The following SLC12A3 variants were observed in gnomAD, a reference collection of about 807,000 sequenced individuals.
SLC12A3 encodes Na-Cl cotransporter.
SLC12A3 carries 104 observed loss-of-function variants against 121.0 expected under a neutral mutation model. The observed-to-expected ratio is 0.86, with a 90% confidence interval of 0.73 to 1.01. SLC12A3 has a LOEUF of 1.01. Ranked by LOEUF, SLC12A3 falls within the 50% of genes least tolerant of loss-of-function variation. The pLI is 0.00. For synonymous variants in SLC12A3, 536 were observed against 533.4 expected (o/e 1.00, Z -0.07); for missense variants, 1,328 against 1,356.3 (o/e 0.98, Z 0.33).
intron 25 of SLC12A3, among the ~76,000 whole-genome samples, chr16:56,905,998 G>T (rs1230492148): frequency 6.6e-6 from 1 of 152,078 alleles, no homozygotes; most frequent in African/African-American, 2.4e-5. Flanking sequence ...AAAACCTAGC[G>T]CCACACACTG....
At chr16:56,903,916 T>C (rs1490147717) in intron 24 of SLC12A3, among the ~76,000 whole-genome samples, 1 of 152,238 alleles carries the variant, frequency 6.6e-6, no homozygotes. Flanking sequence ...GCAACCTCTC[T>C]TTTATAAAGT....
chr16:56,878,649 C>A (rs1188057777), intron 9 of SLC12A3, among the ~76,000 whole-genome samples: 1 of 152,106 alleles, frequency 6.6e-6, no homozygotes, highest in African/African-American at 2.4e-5. Context: ...AGGCTTTGAG[C>A]CCAGGTCTGG....
At chr16:56,878,547 T>G (rs2055195976) in intron 9 of SLC12A3, among the ~76,000 whole-genome samples, 1 of 152,088 alleles carries the variant, frequency 6.6e-6, no homozygotes, top group African/African-American at 2.4e-5. Context: ...GTCCTATCAT[T>G]GTCATTTTCC....
intron 23 of SLC12A3, among the ~76,000 whole-genome samples, chr16:56,900,486 G>A (rs1671435147): frequency 6.6e-6 from 1 of 151,322 alleles, no homozygotes; most frequent in African/African-American, 2.4e-5. Flanking sequence ...AGAGACAGCA[G>A]GAGCAACATA....
chr16:56,895,192 A>ATTT (rs34438029), intron 22 of SLC12A3, among the ~76,000 whole-genome samples: 10 of 126,662 alleles, frequency 7.9e-5, no homozygotes, highest in South Asian at 2.5e-4. Context: ...ATATATTTTA[A>ATTT]TTTTTTTTTT....
chr16:56,913,457 G>C lies in SLC12A3; in HGVS notation c.*52G>C. 3 of 1,570,298 alleles carry C rather than the reference G, an allele frequency of 1.9e-6. No homozygotes were observed. Among genetic ancestry groups the C allele is most frequent in the Non-Finnish European group, 2.6e-6 (3 of 1,140,128 alleles). ...AGCTCTGAGTGTGTGGGATAAGTTG[G>C]AACTTGATTGCCTCTAGTCCACAGG... On this transcript the variant is annotated 3_prime_UTR_variant, in exon 26 of 26. Coordinates refer to ENST00000563236, the MANE Select transcript of SLC12A3 (RefSeq NM_001126108.2).
chr16:56,898,415 C>T (rs1420791962), intron 22 of SLC12A3, among the ~76,000 whole-genome samples: 7 of 152,220 alleles, frequency 4.6e-5, no homozygotes, highest in Middle Eastern at 3.4e-3. Context: ...CCTGCTACCA[C>T]GGCCGGCTAA....
Position 56,892,951 on chromosome 16 carries a change from A to G in SLC12A3, c.2420-2A>G, listed in dbSNP as rs776181500. 9.9e-6 allele frequency: 16 copies of G among 1,613,548 alleles called. No individual in the cohort carries two copies. The highest frequency in any genetic ancestry group is 1.4e-5 in the Non-Finnish European group (16 of 1,179,616). On this transcript the variant is annotated splice_acceptor_variant, in intron 20 of 25. Transcript: ENST00000563236. LOFTEE classifies it high-confidence loss of function. ...GCTCTGACCCGCCCCCACCTCCTGC[A>G]GTGGACCCCAAGGCCCTGGTGAAGG...
chr16:56,872,220 C>A, intron 6 of SLC12A3, 131 bp from the exon 7 acceptor site: 1 of 702,594 alleles, frequency 1.4e-6, no homozygotes, highest in Non-Finnish European at 2.6e-6. Flanking sequence ...GATCCTGCTG[C>A]ATAATGGGTG....
In SLC12A3 at chr16:56,904,405, A is replaced by G; in HGVS notation, c.2867A>G (p.Gln956Arg). ...CTTTCTCCCGCCCAGTCCCTTCGGC[A>G]GGTGAGGCTGAATGAGATTGTGCTG... ...ITKNRVKSLRQVRLNEIVLDY... is the reference protein window; with the variant it reads ...ITKNRVKSLRRVRLNEIVLDY... Residue 956 changes from glutamine to arginine, a missense_variant, in exon 25 of 26, where the codon CAG becomes CGG. Transcript: ENST00000563236. The G allele has an allele frequency of 6.2e-7, 1 of 1,614,004 alleles. No individual in the cohort carries two copies.
intron 25 of SLC12A3, among the ~76,000 whole-genome samples, chr16:56,909,956 T>TCAGCTACCCCAGCA (rs1285412717): frequency 1.3e-5 from 2 of 152,178 alleles, no homozygotes; most frequent in Non-Finnish European, 2.9e-5. Context: ...GGGTTTGAGC[T>TCAGCTACCCCAGCA]CAGCTACCCC....
intron 23 of SLC12A3, among the ~76,000 whole-genome samples, chr16:56,900,233 T>C (rs1355497184): frequency 6.6e-6 from 1 of 152,030 alleles, no homozygotes; most frequent in Non-Finnish European, 1.5e-5. Context: ...TAGTGATGCA[T>C]ACATTGGCTC....
At position 56,867,084 on chromosome 16, in the gene SLC12A3, C is replaced by G. The variant is rs753402173; in HGVS notation, c.297C>G (p.His99Gln). 6.2e-7 allele frequency: 1 copy of G among 1,613,430 alleles called. No individual in the cohort carries two copies. Among genetic ancestry groups the G allele is most frequent in the South Asian group, 1.1e-5 (1 of 91,088 alleles). The change falls in exon 2 of 26, where the codon CAC becomes CAG. Residue 99 changes from histidine (H) to glutamine (Q), a missense_variant. By Grantham distance (24) the His-to-Gln change is conservative. Coordinates refer to ENST00000563236, the MANE Select transcript of SLC12A3 (RefSeq NM_001126108.2). ...LHSFLKQEGR[H>Q]LHALAFDSRP... is the part of the protein sequence containing the mutation. ...TGGGCTGCCAGCAGGAAGGCAGACA[C>G]CTGCATGCCCTGGCCTTTGACAGCC...
chr16:56,912,741 G>A (rs549191237), intron 25 of SLC12A3, among the ~76,000 whole-genome samples: 1 of 152,330 alleles, frequency 6.6e-6, no homozygotes, highest in Non-Finnish European at 1.5e-5. Context: ...GATGCTGTTG[G>A]GACTGTGGAG....
intron 1 of SLC12A3, among the ~76,000 whole-genome samples, chr16:56,866,611 T>C (rs2144681006): frequency 6.6e-6 from 1 of 152,222 alleles, no homozygotes; most frequent in African/African-American, 2.4e-5. Context: ...ACTGCTCTCC[T>C]AGGGGGAGGA....
At chr16:56,877,153 A>C (rs2055174060) in intron 8 of SLC12A3, among the ~76,000 whole-genome samples, 1 of 152,186 alleles carries the variant, frequency 6.6e-6, no homozygotes, top group Non-Finnish European at 1.5e-5. Context: ...GCACTTTGGG[A>C]GGCTGAGGTG....
intron 18 of SLC12A3, among the ~76,000 whole-genome samples, chr16:56,889,410 G>A (rs1205516095): frequency 1.3e-5 from 2 of 152,214 alleles, no homozygotes; most frequent in Non-Finnish European, 2.9e-5. Context: ...GCGGGCTCTT[G>A]GGCACTGTGT....
intron 8 of SLC12A3, among the ~76,000 whole-genome samples, chr16:56,876,496 G>A (rs1431154500): frequency 6.6e-6 from 1 of 152,198 alleles, no homozygotes; most frequent in African/African-American, 2.4e-5. Context: ...GAGCCCTGGG[G>A]TGGAGACTCC....
chr16:56,879,068 C>T lies in SLC12A3; in HGVS notation c.1181-5C>T, dbSNP rs1374947065. 1.2e-6 allele frequency: 2 copies of T among 1,605,960 alleles called. No individual in the cohort carries two copies. The highest frequency in any genetic ancestry group is 2.2e-5 in the East Asian group (1 of 44,698). On this transcript the variant is annotated splice_polypyrimidine_tract_variant and splice_region_variant and intron_variant, in intron 9 of 25. Coordinates refer to ENST00000563236, the MANE Select transcript of SLC12A3 (RefSeq NM_001126108.2). ...ACCTCCCCATGCTCTCCTTCCTCCT[C>T]TCAGGCTCCTGCGTGGTGCGTGATG...
Sources: allele counts gnomAD v4.1 joint callset (sites outside exome capture counted in the v4.1 genomes callset), GRCh38; gene constraint gnomAD v4.1.1; transcripts MANE v1.5; gene names NCBI Gene and HGNC (gene_info 2026-07-23, HGNC 2026-07-21).